Variants in KIF2A observed in about 807,000 individuals in gnomAD.
KIF2A encodes the protein kinesin family member 2A, also known as kinesin-like protein KIF2A.
Under a neutral mutation model 100.2 loss-of-function variants are expected in KIF2A, and 22 were observed. That is an observed-to-expected ratio of 0.22 (90% CI 0.16 to 0.31). The LOEUF is 0.31. Ranked by LOEUF, KIF2A falls within the 10% of genes least tolerant of loss-of-function variation. KIF2A has a pLI of 1.00. For synonymous variants in KIF2A, 268 were observed against 285.9 expected (o/e 0.94, Z 0.63); for missense variants, 495 against 898.7 (o/e 0.55, Z 5.74).
At chr5:62,353,086 C>T (rs546380798) in intron 5 of KIF2A, 189 bp from the exon 6 acceptor site, 12 of 475,344 alleles carry the variant, frequency 2.5e-5, no homozygotes, top group African/African-American at 2.2e-4. Flanking sequence ...TCTGGACTCT[C>T]ATCTGTACAT....
intron 1 of KIF2A, among the ~76,000 whole-genome samples, chr5:62,343,344 AT>A (rs2111893880): frequency 6.6e-6 from 1 of 152,148 alleles, no homozygotes; most frequent in South Asian, 2.1e-4. Context: ...AGGCACCACT[AT>A]TTACTCAGTT....
intron 1 of KIF2A, among the ~76,000 whole-genome samples, chr5:62,311,330 G>T (rs1745545432): frequency 6.6e-6 from 1 of 152,218 alleles, no homozygotes; most frequent in South Asian, 2.1e-4. Context: ...GCACCAGCGA[G>T]CAGTGTTACA....
At chr5:62,323,124 C>G (rs1231945773) in intron 1 of KIF2A, among the ~76,000 whole-genome samples, 1 of 151,296 alleles carries the variant, frequency 6.6e-6, no homozygotes, top group Non-Finnish European at 1.5e-5. Flanking sequence ...GGCATGGTGG[C>G]GCATGCCTGT....
intron 1 of KIF2A, among the ~76,000 whole-genome samples, chr5:62,342,480 T>C (rs1162302614): frequency 6.6e-6 from 1 of 152,156 alleles, no homozygotes; most frequent in Admixed American, 6.5e-5. Flanking sequence ...TCAGGGCCTT[T>C]AGGTTTGGGG....
At chr5:62,378,686 G>A (rs540421067) in intron 19 of KIF2A, among the ~76,000 whole-genome samples, 1 of 152,308 alleles carries the variant, frequency 6.6e-6, no homozygotes, top group South Asian at 2.1e-4. Flanking sequence ...GGGAGGCCCA[G>A]GAGGGTGGAT....
At chr5:62,360,882 G>A (rs974662212) in intron 9 of KIF2A, among the ~76,000 whole-genome samples, 1 of 151,852 alleles carries the variant, frequency 6.6e-6, no homozygotes, top group African/African-American at 2.4e-5. Context: ...TAATATTTTT[G>A]CAGTTTTTTT....
intron 14 of KIF2A, 132 bp downstream of exon 14, chr5:62,364,031 T>TA (rs1740939120): frequency 1.0e-5 from 7 of 698,990 alleles, no homozygotes; most frequent in Non-Finnish European, 1.7e-5. Flanking sequence ...TTGTAATGTA[T>TA]AGTGTGATTT....
At chr5:62,374,253 A>AGCTG (rs1741444975) in intron 18 of KIF2A, among the ~76,000 whole-genome samples, 1 of 152,166 alleles carries the variant, frequency 6.6e-6, no homozygotes, top group South Asian at 2.1e-4. Context: ...AGCAAACTAC[A>AGCTG]GCCTGTGGGC....
Position 62,389,105 on chromosome 5 carries a change from T to C in KIF2A, c.*3536T>C. 1 of 1,480,122 alleles carries C rather than the reference T, an allele frequency of 6.8e-7. No individual in the cohort carries two copies. The highest frequency in any genetic ancestry group is 2.3e-5 in the East Asian group (1 of 44,216). 91.7% of individuals were successfully genotyped at this position (1,480,122 alleles called of 1,614,324 possible). The stretch of plus-strand genomic sequence containing the variant: ...TACTGAAAAGCTAATTTGTAGCACA[T>C]AACGGTATATAGTTCTATACCATTA... On this transcript the variant is annotated 3_prime_UTR_variant, in exon 21 of 21. Coordinates refer to ENST00000407818, the MANE Select transcript of KIF2A (RefSeq NM_001098511.3).
chr5:62,346,225 A>G (rs76324263), intron 1 of KIF2A, among the ~76,000 whole-genome samples: 1 of 152,156 alleles, frequency 6.6e-6, no homozygotes, highest in African/African-American at 2.4e-5. Context: ...TACATTATAT[A>G]TAATATCTTC....
At chr5:62,366,741 G>A (rs887171832) in intron 16 of KIF2A, among the ~76,000 whole-genome samples, 2 of 151,442 alleles carry the variant, frequency 1.3e-5, no homozygotes, top group Non-Finnish European at 1.5e-5. Context: ...TGAGGCAGGA[G>A]AATGGCCTGA....
At chr5:62,355,331 A>G in intron 7 of KIF2A, 77 bp downstream of exon 7, 1 of 760,128 alleles carries the variant, frequency 1.3e-6, no homozygotes, top group Non-Finnish European at 2.3e-6. Context: ...TGCTAAATTC[A>G]TATTGTGTTC....
At position 62,389,803 on chromosome 5, in the gene KIF2A, T is replaced by G. The variant is rs1312668822; in HGVS notation, c.*4234T>G. ...TTCTCTCTGTAGATACCTATGTACT[T>G]AATAGATTCTAGTTAGTAAACTGCA... On this transcript the variant is annotated 3_prime_UTR_variant, in exon 21 of 21. Transcript: ENST00000407818. Among the ~76,000 whole-genome samples, 1 of 152,186 alleles carries G rather than the reference T, an allele frequency of 6.6e-6. No homozygotes were observed. The highest frequency in any genetic ancestry group is 1.5e-5 in the Non-Finnish European group (1 of 68,042).
At position 62,366,550 on chromosome 5, in the gene KIF2A, T is replaced by G. The variant is rs371245462; in HGVS notation, c.1646+69T>G. On this transcript the variant is annotated intron_variant, in intron 16 of 20. Transcript: ENST00000407818. ...GCAGTACATAGTATAATTTAATATC[T>G]GCCTCGTGCGGTGGCTCACGCCTGT... The G allele has an allele frequency of 3.0e-5, 29 of 974,992 alleles. No individual in the cohort carries two copies. The South Asian group carries it at 3.7e-4, about 12-fold the overall frequency. 60.4% of individuals were successfully genotyped at this position (974,992 alleles called of 1,614,324 possible).
chr5:62,336,277 C>G (rs264522), intron 1 of KIF2A, among the ~76,000 whole-genome samples: 135,734 of 152,226 alleles, frequency 0.89, 60,675 homozygotes, highest in Middle Eastern at 0.93. Context: ...ACAAGGACTT[C>G]TGCGGCTCCT....
chr5:62,336,210 A>T (rs1746937973), intron 1 of KIF2A, among the ~76,000 whole-genome samples: 1 of 152,194 alleles, frequency 6.6e-6, no homozygotes, highest in Non-Finnish European at 1.5e-5. Context: ...TTCCTATAGG[A>T]TGATGCGGGA....
At chr5:62,346,294 A>C (rs1213350941) in intron 1 of KIF2A, among the ~76,000 whole-genome samples, 1 of 152,166 alleles carries the variant, frequency 6.6e-6, no homozygotes, top group African/African-American at 2.4e-5. Context: ...ATAGATTTGG[A>C]TAGACAACAT....
intron 18 of KIF2A, among the ~76,000 whole-genome samples, 196 bp downstream of exon 18, chr5:62,374,033 G>A (rs1476617711): frequency 6.6e-6 from 1 of 152,042 alleles, no homozygotes; most frequent in Admixed American, 6.6e-5. Context: ...ACAATTTAAT[G>A]AGACCCTTTC....
intron 9 of KIF2A, among the ~76,000 whole-genome samples, chr5:62,359,994 T>G (rs939564898): frequency 9.9e-5 from 15 of 151,676 alleles, no homozygotes; most frequent in Admixed American, 1.3e-4. Context: ...CATCTTTTTT[T>G]TTTTTTGTTT....
Sources: gnomAD v4.1 joint callset for allele counts (sites outside exome capture counted in the v4.1 genomes callset) on GRCh38, gnomAD v4.1.1 for gene constraint, MANE v1.5 for transcripts, NCBI Gene and HGNC (gene_info 2026-07-23, HGNC 2026-07-21) for gene names.